The following KIF20B variants were observed in gnomAD, a reference collection of about 807,000 sequenced individuals.
The protein encoded by KIF20B is kinesin-like protein KIF20B.
A neutral mutation model predicts 232.5 loss-of-function variants in KIF20B; 188 were observed. The ratio of observed to expected loss-of-function variants is 0.81; its 90% confidence interval spans 0.72 to 0.91. KIF20B has a LOEUF of 0.91. Among genes scored for constraint, KIF20B ranks in the 40% least tolerant of loss-of-function variants. The pLI is 0.00. For missense variants in KIF20B, 2,154 were observed against 2,055.9 expected, an observed-to-expected ratio of 1.05 and a Z score of -0.92; for synonymous variants, 712 against 683.0, an observed-to-expected ratio of 1.04 and a Z score of -0.66.
intron 31 of KIF20B, among the ~76,000 whole-genome samples, chr10:89,770,602 C>T (rs796244295): frequency 2.0e-5 from 3 of 151,854 alleles, no homozygotes; most frequent in African/African-American, 7.2e-5. Flanking sequence ...ACTTGACATA[C>T]ATTTTTTTTT....
intron 27 of KIF20B, among the ~76,000 whole-genome samples, chr10:89,760,106 C>T (rs898982433): frequency 2.6e-5 from 4 of 152,116 alleles, no homozygotes; most frequent in African/African-American, 9.7e-5. Context: ...TTATCAAAAG[C>T]AACTGTTGGG....
intron 17 of KIF20B, among the ~76,000 whole-genome samples, chr10:89,728,644 T>C (rs1843243468): frequency 6.6e-6 from 1 of 152,114 alleles, no homozygotes; most frequent in African/African-American, 2.4e-5. Flanking sequence ...TAGTTAGGGT[T>C]ACAGGTGGCC....
Position 89,770,671 on chromosome 10 carries a change from C to G in KIF20B, c.5242+1783C>G, listed in dbSNP as rs1043827605. Among the ~76,000 whole-genome samples, 3 of 151,230 alleles carry G rather than the reference C, an allele frequency of 2.0e-5. No homozygotes were observed. In the East Asian group the frequency reaches 5.8e-4, roughly 29 times the overall value. On this transcript the variant is annotated intron_variant, in intron 31 of 32. Coordinates refer to ENST00000371728, the MANE Select transcript of KIF20B (RefSeq NM_001284259.2). Reference sequence around the variant, plus strand: ...AAATATAAGATATCCCTATTTTGAACTGTAACTGTAATACATATTTGTTGT... The same window carrying G: ...AAATATAAGATATCCCTATTTTGAAGTGTAACTGTAATACATATTTGTTGT...
At chr10:89,754,747 A>G (rs1842088012) in intron 26 of KIF20B, 74 bp downstream of exon 26, 1 of 1,178,760 alleles carries the variant, frequency 8.5e-7, no homozygotes, top group Non-Finnish European at 1.1e-6. Context: ...TGGAATTAAC[A>G]GTTTCTACAT....
chr10:89,772,123 C>G (rs1227042598), intron 31 of KIF20B, among the ~76,000 whole-genome samples: 2 of 151,688 alleles, frequency 1.3e-5, no homozygotes, highest in African/African-American at 4.8e-5. Context: ...AATATGTTTT[C>G]TATTAAAAAA....
intron 19 of KIF20B, 128 bp downstream of exon 19, chr10:89,733,184 AT>A (rs1261432763): frequency 5.6e-6 from 5 of 895,534 alleles, no homozygotes; most frequent in Non-Finnish European, 8.6e-6. Flanking sequence ...AACGTCTTGA[AT>A]TTTTATTCTG....
intron 6 of KIF20B, among the ~76,000 whole-genome samples, chr10:89,711,474 G>A (rs117244921): frequency 5.7e-4 from 86 of 152,058 alleles, no homozygotes; most frequent in Non-Finnish European, 1.1e-3. Context: ...ATTTAAAATA[G>A]GGAATGTGAG....
chr10:89,751,804 A>G (rs1193426891), intron 24 of KIF20B, among the ~76,000 whole-genome samples: 6 of 152,018 alleles, frequency 3.9e-5, no homozygotes, highest in Non-Finnish European at 8.8e-5. Flanking sequence ...ATTATCTTGT[A>G]TGTTGATCTC....
At position 89,724,072 on chromosome 10, in the gene KIF20B, C is replaced by G; in HGVS notation, c.1831C>G (p.Gln611Glu). The G allele has an allele frequency of 6.6e-7, 1 of 1,518,490 alleles. No individual in the cohort carries two copies. Among genetic ancestry groups the G allele is most frequent in the Non-Finnish European group, 8.8e-7 (1 of 1,140,090 alleles). The allele number at this position is 1,518,490 out of a possible 1,614,324, so 94.1% of individuals were successfully genotyped here. A position where few individuals can be genotyped will look rare whatever the true frequency, so the allele number is the denominator to read the frequency against. The change falls in exon 14 of 33, where the codon CAG becomes GAG. Residue 611 changes from glutamine (Q) to glutamate (E), a missense_variant. Gln to Glu is a conservative substitution (Grantham distance 29). Transcript: ENST00000371728. ...IREEVTQEFTQYWAQREADFK... is the reference protein window; with the variant it reads ...IREEVTQEFTEYWAQREADFK... ...AGAAGAAGTTACACAGGAGTTTACT[C>G]AGTATTGGGCTCAACGGGAAGCTGA...
At chr10:89,757,038 G>GTGTGTA in intron 26 of KIF20B, among the ~76,000 whole-genome samples, 1 of 79,094 alleles carries the variant, frequency 1.3e-5, no homozygotes, top group African/African-American at 4.1e-5. Flanking sequence ...GTGTGTGTGT[G>GTGTGTA]TGTATATATA....
chr10:89,713,851 A>G (rs997744123), intron 6 of KIF20B, among the ~76,000 whole-genome samples, 196 bp from the exon 7 acceptor site: 17 of 152,070 alleles, frequency 1.1e-4, no homozygotes, highest in African/African-American at 3.1e-4. Context: ...ATACATGATA[A>G]TATTCTTTTT....
chr10:89,750,520 A>G (rs1033420142), intron 23 of KIF20B, among the ~76,000 whole-genome samples: 12 of 152,216 alleles, frequency 7.9e-5, no homozygotes, highest in Admixed American at 7.2e-4. Flanking sequence ...TGAGGGAGCC[A>G]TCTTTGGGTA....
At chr10:89,714,914 C>T (rs757875891) in intron 7 of KIF20B, 41 bp from the exon 8 acceptor site, 4 of 1,219,208 alleles carry the variant, frequency 3.3e-6, no homozygotes, top group Non-Finnish European at 4.7e-6. Context: ...TAGTCAGTTG[C>T]TTACTTTCGT....
chr10:89,713,986 C>G (rs1589853284), intron 6 of KIF20B, 61 bp from the exon 7 acceptor site: 2 of 774,546 alleles, frequency 2.6e-6, no homozygotes, highest in Non-Finnish European at 3.9e-6. Flanking sequence ...TAATTAATAT[C>G]TTGATTATTT....
rs541375928 is a variant in KIF20B at position 89,732,694 on chromosome 10, T to C, written c.2392-209T>C. ...TCTGATGTGACTTCAGAGATTTATCTTCTTAAGATTCTCCAGTTATCCCCA... is the reference window on the plus strand; with the variant it reads ...TCTGATGTGACTTCAGAGATTTATCCTCTTAAGATTCTCCAGTTATCCCCA... On this transcript the variant is annotated intron_variant, in intron 18 of 32. Coordinates refer to ENST00000371728, the MANE Select transcript of KIF20B (RefSeq NM_001284259.2). Among the ~76,000 whole-genome samples the C allele has an allele frequency of 2.0e-5, 3 of 152,312 alleles. No homozygotes were observed. In the South Asian group the frequency reaches 6.2e-4, roughly 32 times the overall value.
At chr10:89,713,577 A>G (rs548902530) in intron 6 of KIF20B, among the ~76,000 whole-genome samples, 156 of 152,284 alleles carry the variant, frequency 1.0e-3, no homozygotes, top group African/African-American at 3.6e-3. Flanking sequence ...GTATACTCCA[A>G]GGAAATGGGT....
At chr10:89,754,167 A>G (rs543917807) in intron 25 of KIF20B, among the ~76,000 whole-genome samples, 25 of 151,284 alleles carry the variant, frequency 1.7e-4, no homozygotes, top group Non-Finnish European at 3.2e-4. Context: ...CCAGTTAGAA[A>G]TGACCACCAC....
chr10:89,754,735 G>A (rs1842086814), intron 26 of KIF20B, 62 bp downstream of exon 26: 2 of 1,242,304 alleles, frequency 1.6e-6, no homozygotes, highest in African/African-American at 1.5e-5. Context: ...TAAATGTATT[G>A]CTGGAATTAA....
chr10:89,714,056 C>T lies in KIF20B; in HGVS notation c.685C>T (p.His229Tyr). Residue 229 changes from histidine to tyrosine, a missense_variant, in exon 7 of 33, where the codon CAT (histidine) becomes TAT (tyrosine). Physicochemically the swap from His to Tyr is moderately conservative, Grantham distance 83. Transcript: ENST00000371728. Reference protein sequence around the residue: ...LLRQIKEVTVHNDSDDTLYGS... With the variant: ...LLRQIKEVTVYNDSDDTLYGS... ...ACAATCTTTTTTTTAGGTTACTGTG[C>T]ATAATGATAGTGATGATACTCTTTA... 2 of 1,440,692 alleles carry T rather than the reference C, an allele frequency of 1.4e-6. No homozygotes were observed. Among genetic ancestry groups the T allele is most frequent in the Non-Finnish European group, 9.4e-7 (1 of 1,069,450 alleles). 89.2% of individuals were successfully genotyped at this position (1,440,692 alleles called of 1,614,324 possible).
Sources: allele counts gnomAD v4.1 joint callset (sites outside exome capture counted in the v4.1 genomes callset), GRCh38; gene constraint gnomAD v4.1.1; transcripts MANE v1.5; gene names NCBI Gene and HGNC (gene_info 2026-07-23, HGNC 2026-07-21).